FRMPD4: variants seen among roughly 807,000 people sequenced by gnomAD.
FRMPD4 encodes FERM and PDZ domain containing 4.
Under a neutral mutation model 94.1 loss-of-function variants are expected in FRMPD4, and 22 were observed. That is an observed-to-expected ratio of 0.23 (90% confidence interval 0.17 to 0.33). FRMPD4 has a LOEUF of 0.33. Ranked by LOEUF, FRMPD4 falls within the 10% of genes least tolerant of loss-of-function variation. The pLI is 1.00. For synonymous variants in FRMPD4, 631 were observed against 548.6 expected, an observed-to-expected ratio of 1.15 and a Z score of -2.10; for missense variants, 1,111 against 1,339.9, an observed-to-expected ratio of 0.83 and a Z score of 2.67.
At chrX:12,664,189 G>A (rs780581339) in intron 4 of FRMPD4, among the ~76,000 whole-genome samples, 27 of 111,945 alleles carry the variant, frequency 2.4e-4, no homozygotes, top group South Asian at 3.7e-4. Flanking sequence ...TTGAATACCC[G>A]TTATTTCTTT....
intron 1 of FRMPD4, among the ~76,000 whole-genome samples, chrX:12,422,072 G>A (rs6640985): frequency 0.43 from 47,164 of 110,828 alleles, 7,539 homozygotes; most frequent in African/African-American, 0.57. Context: ...TTTCCTTTCC[G>A]GTATTATCAT....
chrX:11,925,340 T>C (rs2054080985), intron 3 of FRMPD4, among the ~76,000 whole-genome samples: 1 of 111,262 alleles, frequency 9.0e-6, no homozygotes, highest in Admixed American at 9.5e-5. Context: ...CTGATATTAT[T>C]AGATCATCAA....
At chrX:12,472,105 T>C (rs1015168150) in intron 1 of FRMPD4, among the ~76,000 whole-genome samples, 2 of 112,105 alleles carry the variant, frequency 1.8e-5, no homozygotes, top group Admixed American at 9.4e-5. Flanking sequence ...GACCCCTATA[T>C]TGTATAGATC....
intron 4 of FRMPD4, among the ~76,000 whole-genome samples, chrX:12,654,990 CT>C (rs775890209): frequency 8.9e-6 from 1 of 111,990 alleles, no homozygotes; most frequent in East Asian, 2.8e-4. Flanking sequence ...ATGACATTAC[CT>C]TCTTTACTGG....
intron 3 of FRMPD4, among the ~76,000 whole-genome samples, chrX:11,897,673 G>A (rs1172515188): frequency 8.9e-6 from 1 of 112,259 alleles, no homozygotes; most frequent in Non-Finnish European, 1.9e-5. Context: ...CATTCATTCA[G>A]TATACAATCA....
chrX:12,236,372 G>A (rs6654953), intron 1 of FRMPD4, among the ~76,000 whole-genome samples: 5 of 111,199 alleles, frequency 4.5e-5, no homozygotes, highest in African/African-American at 1.6e-4. Flanking sequence ...CTATATGTCA[G>A]TTACTGTTCT....
chrX:12,394,022 TG>T (rs1432165145), intron 1 of FRMPD4, among the ~76,000 whole-genome samples: 1 of 111,439 alleles, frequency 9.0e-6, no homozygotes, highest in South Asian at 3.8e-4. Flanking sequence ...ATAAACCATA[TG>T]GTGATATAAG....
chrX:11,993,167 A>G (rs1172196594), intron 3 of FRMPD4, among the ~76,000 whole-genome samples: 1 of 110,863 alleles, frequency 9.0e-6, no homozygotes, highest in African/African-American at 3.3e-5. Context: ...TCAGATAACA[A>G]TGTCTATGGG....
At chrX:12,478,992 G>A (rs1208213135) in intron 1 of FRMPD4, among the ~76,000 whole-genome samples, 1 of 111,476 alleles carries the variant, frequency 9.0e-6, no homozygotes, top group Non-Finnish European at 1.9e-5. Flanking sequence ...GGGGAAGAGA[G>A]TCATAACATT....
At chrX:12,406,557 C>T (rs775173934) in intron 1 of FRMPD4, among the ~76,000 whole-genome samples, 13 of 112,046 alleles carry the variant, frequency 1.2e-4, no homozygotes, top group Admixed American at 3.8e-4. Flanking sequence ...TATTTGCCTT[C>T]GGGGAAGATA....
chrX:12,111,632 C>A (rs1288881219), intron 3 of FRMPD4, among the ~76,000 whole-genome samples: 29 of 111,740 alleles, frequency 2.6e-4, no homozygotes, highest in African/African-American at 8.5e-4. Flanking sequence ...AGTGAACAGG[C>A]AACCTACAGA....
intron 2 of FRMPD4, among the ~76,000 whole-genome samples, chrX:12,528,319 G>GTTTTTTTTTTTTTTTTTTTTT (rs62720861): frequency 4.1e-5 from 3 of 73,866 alleles, no homozygotes; most frequent in Non-Finnish European, 7.4e-5. Context: ...TTTTGTTTTT[G>GTTTTTTTTTTTTTTTTTTTTT]TTTTTTTTTT....
chrX:12,561,506 C>T (rs1215850775), intron 2 of FRMPD4, among the ~76,000 whole-genome samples: 1 of 109,353 alleles, frequency 9.1e-6, no homozygotes, highest in African/African-American at 3.3e-5. Flanking sequence ...TATTTATGGA[C>T]ACTTATTCTA....
In FRMPD4 at chrX:12,716,997, C is replaced by T. The variant is rs751438887; in HGVS notation, c.2538C>T (p.Pro846=). The T allele has an allele frequency of 4.3e-5, 52 of 1,208,437 alleles. No individual in the cohort carries two copies. The highest frequency in any genetic ancestry group is 2.2e-4 in the Admixed American group (10 of 45,959). The part of the protein sequence containing the change: ...KGSSLQNDEI[P]VSLIDAVPTS... Reference sequence around the variant, plus strand: ...GCAGCCTGCAAAATGATGAGATCCCCGTGTCCCTCATTGACGCTGTGCCCA... The same window carrying T: ...GCAGCCTGCAAAATGATGAGATCCCTGTGTCCCTCATTGACGCTGTGCCCA... The change falls in exon 15 of 17, where the codon CCC becomes CCT. Residue 846 remains proline, a synonymous_variant. Coordinates refer to ENST00000675598, the MANE Select transcript of FRMPD4 (RefSeq NM_001368397.1).
intron 1 of FRMPD4, among the ~76,000 whole-genome samples, chrX:12,339,613 T>C (rs2147955061): frequency 9.3e-6 from 1 of 107,693 alleles, no homozygotes; most frequent in Admixed American, 9.7e-5. Flanking sequence ...GGAAAAAGTT[T>C]AATGAATTTT....
chrX:12,467,852 GA>G (rs1259583210), intron 1 of FRMPD4, among the ~76,000 whole-genome samples: 17 of 111,830 alleles, frequency 1.5e-4, no homozygotes, highest in Admixed American at 1.2e-3. Context: ...TTATGTGAAT[GA>G]AGGGTTTAAA....
intron 1 of FRMPD4, among the ~76,000 whole-genome samples, chrX:12,338,951 T>G (rs1323138458): frequency 8.9e-6 from 1 of 111,994 alleles, no homozygotes; most frequent in Non-Finnish European, 1.9e-5. Context: ...AAAGGAAATT[T>G]TGGCCTGAGA....
intron 4 of FRMPD4, among the ~76,000 whole-genome samples, chrX:12,630,012 G>A (rs1171105371): frequency 8.9e-6 from 1 of 112,706 alleles, no homozygotes. Context: ...ACTCAGCCTT[G>A]CGGCACTGAA....
intron 8 of FRMPD4, among the ~76,000 whole-genome samples, chrX:12,694,029 G>A: frequency 9.0e-6 from 1 of 111,231 alleles, no homozygotes. Flanking sequence ...TCCCTGAGGA[G>A]GCACCCTTGC....
Sources: allele counts gnomAD v4.1 joint callset (sites outside exome capture counted in the v4.1 genomes callset), GRCh38; gene constraint gnomAD v4.1.1; transcripts MANE v1.5; gene names NCBI Gene and HGNC (gene_info 2026-07-23, HGNC 2026-07-21).